Variants in RGMB observed in about 807,000 individuals in gnomAD.
The protein encoded by RGMB is repulsive guidance molecule B.
A neutral mutation model predicts 26.9 loss-of-function variants in RGMB; 16 were observed. That is an observed-to-expected ratio of 0.60 (90% CI 0.40 to 0.90). RGMB has a LOEUF of 0.90. RGMB is among the 40% of genes least tolerant of loss of function. The probability of loss-of-function intolerance (pLI) is 0.00; values close to 1 mark genes in which losing one functional copy is unlikely to be tolerated. For missense variants in RGMB, 512 were observed against 573.3 expected (o/e 0.89, Z 1.09); for synonymous variants, 225 against 229.3 (o/e 0.98, Z 0.17).
At position 98,795,666 on chromosome 5, in the gene RGMB, C is replaced by CCTA. The variant is rs1747097203; in HGVS notation, c.*1913_*1914insCTA. 6.6e-6 allele frequency: 1 copy of CCTA among 152,216 alleles called. No homozygotes were observed. The highest frequency in any genetic ancestry group is 2.1e-4 in the South Asian group (1 of 4,828). The allele number at this position is 152,216 out of a possible 1,614,324, so 9.4% of individuals were successfully genotyped here. ...ACTAGAGACGGACTGACCATCAGCT[C>CCTA]TGAACTGTGGCTTTTTTTGTTCACC... On this transcript the variant is annotated 3_prime_UTR_variant, in exon 3 of 3. Coordinates refer to ENST00000513185, the MANE Select transcript of RGMB (RefSeq NM_001366508.1).
chr5:98,774,814 T>C (rs533617913), intron 1 of RGMB, among the ~76,000 whole-genome samples: 2 of 152,296 alleles, frequency 1.3e-5, no homozygotes, highest in East Asian at 3.9e-4. Flanking sequence ...GCTCGTGTTT[T>C]GTGACTAGCC....
intron 2 of RGMB, among the ~76,000 whole-genome samples, chr5:98,791,873 G>A (rs1746940930): frequency 6.6e-6 from 1 of 152,182 alleles, no homozygotes; most frequent in South Asian, 2.1e-4. Flanking sequence ...CTAATTAAAG[G>A]ATTCTGCAGG....
At chr5:98,776,529 C>T (rs1407904396) in intron 1 of RGMB, among the ~76,000 whole-genome samples, 1 of 152,314 alleles carries the variant, frequency 6.6e-6, no homozygotes, top group Non-Finnish European at 1.5e-5. Context: ...ACTTTACCGC[C>T]TATAACAGGC....
At chr5:98,777,911 AT>A (rs1561438520) in intron 1 of RGMB, among the ~76,000 whole-genome samples, 1 of 152,190 alleles carries the variant, frequency 6.6e-6, no homozygotes, top group Non-Finnish European at 1.5e-5. Context: ...GTTAAAGTGA[AT>A]ACCAAGCCTA....
intron 2 of RGMB, among the ~76,000 whole-genome samples, chr5:98,789,478 GT>G (rs369770105): frequency 0.21 from 30,158 of 146,570 alleles, 3,219 homozygotes; most frequent in Middle Eastern, 0.26. Context: ...CATTTAATAT[GT>G]TTTTTTTTTT....
chr5:98,773,742 C>G lies in RGMB; in HGVS notation c.-329C>G, dbSNP rs908559471. 2.9e-5 allele frequency: 11 copies of G among 379,942 alleles called. No individual in the cohort carries two copies. The highest frequency in any genetic ancestry group is 1.2e-4 in the South Asian group (1 of 8,430). 23.5% of individuals were successfully genotyped at this position (379,942 alleles called of 1,614,324 possible). A position where few individuals can be genotyped will look rare whatever the true frequency, so the allele number is the denominator to read the frequency against. ...GAGGTCCACGCCCGCCGAGCCCACG[C>G]TGGCTGGGGCCGGGGTGCCGGCGCG... On this transcript the variant is annotated 5_prime_UTR_variant, in exon 1 of 3. Transcript: ENST00000513185.
rs2112379165 is a variant in RGMB at position 98,792,608 on chromosome 5, C to A, written c.646-477C>A. Among the ~76,000 whole-genome samples, 3 of 133,402 alleles carry A rather than the reference C, an allele frequency of 2.2e-5. 1 individual carries two copies. The South Asian group carries it at 8.2e-4, about 36-fold the overall frequency. The allele number at this position is 133,402 out of a possible 152,430, so 87.5% of individuals were successfully genotyped here. A position where few individuals can be genotyped will look rare whatever the true frequency, so the allele number is the denominator to read the frequency against. ...CCGCCCCCCACCAACCCCCTCACTT[C>A]AAAGTTTTTTAAATCAGCCACGCAT... On this transcript the variant is annotated intron_variant, in intron 2 of 2. Coordinates refer to ENST00000513185, the MANE Select transcript of RGMB (RefSeq NM_001366508.1).
upstream of RGMB, chr5:98,772,687 T>C (rs1381412553): frequency 1.3e-5 from 2 of 152,188 alleles, no homozygotes; most frequent in Non-Finnish European, 2.9e-5. Context: ...GGCAGCCTCT[T>C]TCTTTGTAGA....
intron 2 of RGMB, among the ~76,000 whole-genome samples, chr5:98,782,921 C>T (rs952370718): frequency 1.3e-5 from 2 of 152,116 alleles, no homozygotes; most frequent in East Asian, 1.9e-4. Flanking sequence ...TGAAGTCACC[C>T]GGGGCCATAT....
chr5:98,790,836 G>C (rs575568845), intron 2 of RGMB, among the ~76,000 whole-genome samples: 1 of 152,310 alleles, frequency 6.6e-6, no homozygotes, highest in East Asian at 1.9e-4. Flanking sequence ...TTTAATCTTT[G>C]AGTAGATGTT....
chr5:98,793,875 G>C lies in RGMB; in HGVS notation c.*122G>C. On this transcript the variant is annotated 3_prime_UTR_variant, in exon 3 of 3. Transcript: ENST00000513185. ...ATACCATGTATATGACAGGATGTTT[G>C]TCCTGGGACACCCACCAGATTGTAC... 1.3e-6 allele frequency: 1 copy of C among 759,916 alleles called. No homozygotes were observed. Among genetic ancestry groups the C allele is most frequent in the Non-Finnish European group, 2.0e-6 (1 of 489,006 alleles). The allele number at this position is 759,916 out of a possible 1,614,324, so 47.1% of individuals were successfully genotyped here. A position where few individuals can be genotyped will look rare whatever the true frequency, so the allele number is the denominator to read the frequency against.
At chr5:98,790,214 G>C (rs929351026) in intron 2 of RGMB, among the ~76,000 whole-genome samples, 1 of 152,288 alleles carries the variant, frequency 6.6e-6, no homozygotes, top group Non-Finnish European at 1.5e-5. Context: ...CCTGCTCAGT[G>C]CATATTTAAA....
At chr5:98,791,698 T>TA (rs1252366491) in intron 2 of RGMB, among the ~76,000 whole-genome samples, 5 of 152,190 alleles carry the variant, frequency 3.3e-5, no homozygotes, top group Admixed American at 6.5e-5. Context: ...CTAGCAATGA[T>TA]ACAATTCTCA....
At chr5:98,776,184 A>C (rs1746394205) in intron 1 of RGMB, among the ~76,000 whole-genome samples, 1 of 152,216 alleles carries the variant, frequency 6.6e-6, no homozygotes, top group South Asian at 2.1e-4. Context: ...TCATTCAAAA[A>C]TGATGAAATG....
At chr5:98,782,405 A>C (rs1250770367) in intron 2 of RGMB, among the ~76,000 whole-genome samples, 3 of 152,250 alleles carry the variant, frequency 2.0e-5, no homozygotes, top group Non-Finnish European at 2.9e-5. Flanking sequence ...AAGTGCTTAT[A>C]AAATAAGTTC....
At position 98,774,003 on chromosome 5, in the gene RGMB, G is replaced by C; in HGVS notation, c.-68G>C. On this transcript the variant is annotated 5_prime_UTR_variant, in exon 1 of 3. Coordinates refer to ENST00000513185, the MANE Select transcript of RGMB (RefSeq NM_001366508.1). ...CCCCCCGGCCCATGCCGCAGCCACGGGCCCAGACCCGCCACGGCGCCCGCG... is the reference window on the plus strand; with the variant it reads ...CCCCCCGGCCCATGCCGCAGCCACGCGCCCAGACCCGCCACGGCGCCCGCG... 1.6e-6 allele frequency: 1 copy of C among 637,726 alleles called. No homozygotes were observed. The highest frequency in any genetic ancestry group is 2.8e-6 in the Non-Finnish European group (1 of 357,406). 39.5% of individuals were successfully genotyped at this position (637,726 alleles called of 1,614,324 possible).
intron 2 of RGMB, among the ~76,000 whole-genome samples, chr5:98,785,709 T>C (rs1387344520): frequency 6.6e-6 from 1 of 152,236 alleles, no homozygotes. Flanking sequence ...CAGAGCCTCA[T>C]CTCATCTTTA....
At position 98,793,709 on chromosome 5, in the gene RGMB, G is replaced by C; in HGVS notation, c.1270G>C (p.Val424Leu). 6.2e-7 allele frequency: 1 copy of C among 1,606,530 alleles called. No homozygotes were observed. Among genetic ancestry groups the C allele is most frequent in the Middle Eastern group, 1.7e-4 (1 of 6,052 alleles). The change falls in exon 3 of 3, where the codon GTC becomes CTC. Residue 424 changes from valine (V) to leucine (L), a missense_variant. Coordinates refer to ENST00000513185, the MANE Select transcript of RGMB (RefSeq NM_001366508.1). ...GTPRGGSDLS[V>L]SLGLTCLILI... is the part of the protein sequence containing the mutation. ...TCCCCGTGGAGGCAGTGATTTGTCT[G>C]TCAGTCTAGGACTCACCTGCTTGAT... is the stretch of plus-strand genomic sequence containing the variant.
rs1408530764 is a variant in RGMB, at chr5:98,795,841, G to A, written c.*2088G>A. 6.6e-6 allele frequency: 1 copy of A among 152,214 alleles called. No homozygotes were observed. The highest frequency in any genetic ancestry group is 6.5e-5 in the Admixed American group (1 of 15,284). The allele number at this position is 152,214 out of a possible 1,614,324, so 9.4% of individuals were successfully genotyped here. ...AAAAGCAATAGAAGAAATTTCTATA[G>A]GATCTGGGTTTAGAGTGTGTATCAT... is the stretch of plus-strand genomic sequence containing the variant. On this transcript the variant is annotated 3_prime_UTR_variant, in exon 3 of 3. Transcript: ENST00000513185.
Sources: allele counts gnomAD v4.1 joint callset (sites outside exome capture counted in the v4.1 genomes callset), GRCh38; gene constraint gnomAD v4.1.1; transcripts MANE v1.5; gene names NCBI Gene and HGNC (gene_info 2026-07-23, HGNC 2026-07-21).